The following MYO1E variants were observed in gnomAD, a reference collection of about 807,000 sequenced individuals.
MYO1E encodes unconventional myosin-Ie.
Under a neutral mutation model 151.1 loss-of-function variants are expected in MYO1E, and 68 were observed. The ratio of observed to expected loss-of-function variants is 0.45; its 90% CI spans 0.37 to 0.55. MYO1E has a LOEUF of 0.55. MYO1E is among the 20% of genes least tolerant of loss of function. The probability of loss-of-function intolerance (pLI) is 0.00; values close to 1 mark genes in which losing one functional copy is unlikely to be tolerated. For synonymous variants in MYO1E, 601 were observed against 501.7 expected (o/e 1.20, Z -2.64); for missense variants, 1,363 against 1,389.3 (o/e 0.98, Z 0.30).
chr15:59,220,970 T>C (rs1467879183), intron 9 of MYO1E, among the ~76,000 whole-genome samples: 1 of 142,240 alleles, frequency 7.0e-6, no homozygotes, highest in African/African-American at 2.6e-5. Flanking sequence ...TAGGAATTGA[T>C]ATAGCATCAT....
chr15:59,158,412 C>G (rs1177774038), intron 24 of MYO1E, 33 bp from the exon 25 acceptor site: 2 of 1,488,274 alleles, frequency 1.3e-6, no homozygotes, highest in East Asian at 4.9e-5. Context: ...AAAACCAGTG[C>G]TACTGGTTGG....
chr15:59,138,430 G>C, intron 26 of MYO1E, 63 bp from the exon 27 acceptor site: 1 of 1,584,012 alleles, frequency 6.3e-7, no homozygotes, highest in Non-Finnish European at 8.7e-7. Flanking sequence ...CCGAACGGTG[G>C]TTTGGAGCAT....
intron 6 of MYO1E, among the ~76,000 whole-genome samples, chr15:59,230,678 A>G (rs1443418500): frequency 1.3e-5 from 2 of 152,244 alleles, no homozygotes; most frequent in East Asian, 3.8e-4. Context: ...AAAGAAAGTA[A>G]GGGCAAGTCT....
At chr15:59,367,417 G>A (rs1245922125) in intron 1 of MYO1E, among the ~76,000 whole-genome samples, 1 of 152,206 alleles carries the variant, frequency 6.6e-6, no homozygotes, top group African/African-American at 2.4e-5. Context: ...TGACATTGGA[G>A]GCCATGGCAT....
At chr15:59,352,645 A>T (rs1172606651) in intron 1 of MYO1E, among the ~76,000 whole-genome samples, 2 of 152,248 alleles carry the variant, frequency 1.3e-5, no homozygotes, top group African/African-American at 4.8e-5. Flanking sequence ...CAAGGAAAAT[A>T]CTAATATGTA....
chr15:59,302,345 G>C lies in MYO1E; in HGVS notation c.4-29896C>G, dbSNP rs79178782. ...GACATTAACATGCCATCTTGAAATG[G>C]CAACATACTGCAAAAGAATGCTGAC... is the stretch of plus-strand genomic sequence containing the variant. On this transcript the variant is annotated intron_variant, in intron 1 of 27. Coordinates refer to ENST00000288235, the MANE Select transcript of MYO1E (RefSeq NM_004998.4). 2.3e-3 allele frequency among the ~76,000 whole-genome samples: 345 copies of C among 152,304 alleles called. 1 individual carries two copies. The highest frequency in any genetic ancestry group is 7.6e-3 in the African/African-American group (317 of 41,566).
rs78858305 is a variant in MYO1E at position 59,322,246 on chromosome 15, G to A, written c.4-49797C>T. ...TGGGTATTATGCTCAGTACCTGGAT[G>A]ACAGTACCCCAAACCTCAGCATCAC... On this transcript the variant is annotated intron_variant, in intron 1 of 27. Coordinates refer to ENST00000288235, the MANE Select transcript of MYO1E (RefSeq NM_004998.4). 1.0e-3 allele frequency among the ~76,000 whole-genome samples: 157 copies of A among 151,838 alleles called. 3 individuals are homozygous for A. The East Asian group carries it at 0.029, about 28-fold the overall frequency.
At chr15:59,302,069 G>A (rs533151607) in intron 1 of MYO1E, among the ~76,000 whole-genome samples, 2 of 152,246 alleles carry the variant, frequency 1.3e-5, no homozygotes, top group Admixed American at 6.5e-5. Flanking sequence ...CTCTGTTGGA[G>A]GTAATAAGAA....
At chr15:59,240,301 A>T (rs745451634) in intron 4 of MYO1E, among the ~76,000 whole-genome samples, 2 of 152,256 alleles carry the variant, frequency 1.3e-5, no homozygotes, top group Non-Finnish European at 2.9e-5. Flanking sequence ...GGAACAAGCC[A>T]AGCAATTTTA....
At chr15:59,253,978 G>C (rs1332157932) in intron 4 of MYO1E, among the ~76,000 whole-genome samples, 3 of 145,654 alleles carry the variant, frequency 2.1e-5, no homozygotes, top group Non-Finnish European at 4.5e-5. Flanking sequence ...ACACCTAAGA[G>C]ACACAGCAAC....
chr15:59,256,067 C>T (rs1387613792), intron 4 of MYO1E, among the ~76,000 whole-genome samples: 2 of 152,202 alleles, frequency 1.3e-5, no homozygotes, highest in African/African-American at 4.8e-5. Context: ...ATACTTACTG[C>T]AATCCCATGG....
At chr15:59,329,067 G>T (rs1399806959) in intron 1 of MYO1E, among the ~76,000 whole-genome samples, 1 of 152,144 alleles carries the variant, frequency 6.6e-6, no homozygotes, top group Non-Finnish European at 1.5e-5. Context: ...AATGGGTAAT[G>T]TAAGTAATAA....
chr15:59,265,996 T>A (rs1186934133), intron 2 of MYO1E, among the ~76,000 whole-genome samples: 1 of 151,860 alleles, frequency 6.6e-6, no homozygotes, highest in Admixed American at 6.6e-5. Context: ...TCTCAAAAAA[T>A]AAAATGGCTG....
At chr15:59,303,488 C>G (rs151163239) in intron 1 of MYO1E, among the ~76,000 whole-genome samples, 294 of 152,126 alleles carry the variant, frequency 1.9e-3, no homozygotes, top group East Asian at 0.015. Flanking sequence ...GAGACCGTAC[C>G]ACTGCACTCC....
rs756274606 is a variant in MYO1E at position 59,303,800 on chromosome 15, C to T, written c.4-31351G>A. On this transcript the variant is annotated intron_variant, in intron 1 of 27. Transcript: ENST00000288235. ...TGCACACAAAACCATTGCTCAAAAGCTACTTGTTCTACTGAGTCGGCAGTG... is the reference window on the plus strand; with the variant it reads ...TGCACACAAAACCATTGCTCAAAAGTTACTTGTTCTACTGAGTCGGCAGTG... 3.4e-4 allele frequency among the ~76,000 whole-genome samples: 51 copies of T among 152,102 alleles called. 1 individual carries two copies. The highest frequency in any genetic ancestry group is 5.4e-4 in the Non-Finnish European group (37 of 68,026).
At chr15:59,235,325 T>C (rs1451391365) in intron 5 of MYO1E, among the ~76,000 whole-genome samples, 1 of 152,196 alleles carries the variant, frequency 6.6e-6, no homozygotes, top group African/African-American at 2.4e-5. Context: ...AAGACAACCA[T>C]TGTTGACAGT....
chr15:59,269,105 G>T (rs1224434528), intron 2 of MYO1E, among the ~76,000 whole-genome samples: 1 of 152,088 alleles, frequency 6.6e-6, no homozygotes, highest in African/African-American at 2.4e-5. Context: ...GTGGCAAAAT[G>T]CATTTTAATT....
intron 1 of MYO1E, among the ~76,000 whole-genome samples, chr15:59,276,734 G>A (rs1272341656): frequency 6.6e-6 from 1 of 152,136 alleles, no homozygotes; most frequent in East Asian, 1.9e-4. Context: ...CGGCCTTGAG[G>A]CTGGGAACCT....
intron 1 of MYO1E, among the ~76,000 whole-genome samples, chr15:59,279,152 A>G (rs1037627996): frequency 2.2e-4 from 34 of 152,018 alleles, no homozygotes; most frequent in African/African-American, 3.1e-4. Context: ...GGGATTTCTG[A>G]CTTCCTTTTC....
Sources: allele counts gnomAD v4.1 joint callset (sites outside exome capture counted in the v4.1 genomes callset), GRCh38; gene constraint gnomAD v4.1.1; transcripts MANE v1.5; gene names NCBI Gene and HGNC (gene_info 2026-07-23, HGNC 2026-07-21).